Variants in DNAH9 observed in about 807,000 individuals in gnomAD.
DNAH9 encodes dynein axonemal heavy chain 9, also known as DNAH9 variant protein.
DNAH9 carries 345 observed loss-of-function variants against 471.6 expected under a neutral mutation model. That is an observed-to-expected ratio of 0.73 (90% CI 0.67 to 0.80). The LOEUF (loss-of-function observed/expected upper bound fraction) is 0.80. Among genes scored for constraint, DNAH9 ranks in the 30% least tolerant of loss-of-function variants. The probability of loss-of-function intolerance (pLI) is 0.00; values close to 1 mark genes in which losing one functional copy is unlikely to be tolerated. For missense variants in DNAH9, 5,407 were observed against 5,609.2 expected, an observed-to-expected ratio of 0.96 and a Z score of 1.15; for synonymous variants, 2,093 against 2,123.6, an observed-to-expected ratio of 0.99 and a Z score of 0.40.
chr17:11,851,824 T>C (rs1041639121), intron 49 of DNAH9, among the ~76,000 whole-genome samples: 6 of 146,904 alleles, frequency 4.1e-5, no homozygotes, highest in Non-Finnish European at 8.9e-5. Flanking sequence ...TCATGATTAA[T>C]TTATAGATAT....
intron 35 of DNAH9, among the ~76,000 whole-genome samples, chr17:11,759,263 C>A (rs535302545): frequency 6.6e-6 from 1 of 152,012 alleles, no homozygotes; most frequent in Non-Finnish European, 1.5e-5. Context: ...TATTTCAACC[C>A]TCAACCCCCT....
In DNAH9 at chr17:11,969,593, G is replaced by A. The variant is rs1256747374; in HGVS notation, c.*66G>A. ...GGAGGCTGCCTAGAGGGACAGGTGG[G>A]TGAAGGGTCACCACAGACACTTAGA... is the stretch of plus-strand genomic sequence containing the variant. On this transcript the variant is annotated 3_prime_UTR_variant, in exon 69 of 69. Transcript: ENST00000262442. 4.6e-6 allele frequency: 6 copies of A among 1,312,084 alleles called. No homozygotes were observed. The highest frequency in any genetic ancestry group is 6.2e-6 in the Non-Finnish European group (6 of 965,654). 81.3% of individuals were successfully genotyped at this position (1,312,084 alleles called of 1,614,324 possible).
chr17:11,734,513 A>G (rs2150825247), intron 28 of DNAH9, among the ~76,000 whole-genome samples: 1 of 152,330 alleles, frequency 6.6e-6, no homozygotes, highest in African/African-American at 2.4e-5. Flanking sequence ...TGAGGACTGT[A>G]GAGTTTGGGT....
At position 11,937,501 on chromosome 17, in the gene DNAH9, G is replaced by T. The variant is rs747317448; in HGVS notation, c.12639G>T (p.Ala4213=). Residue 4213 remains alanine, a synonymous_variant, in exon 66 of 69, where the codon GCG becomes GCT. Coordinates refer to ENST00000262442, the MANE Select transcript of DNAH9 (RefSeq NM_001372.4). This position sits in a 1 kb window ranked among gnomAD's most constrained non-coding sequence, Gnocchi z 4.1. The part of the protein sequence containing the change: ...QPRDSQARDG[A]GATREEKVKA... ...GGGACAGCCAGGCCAGAGACGGAGCGGGCGCCACAAGAGAAGAAAAGGTGT... is the reference window on the plus strand; with the variant it reads ...GGGACAGCCAGGCCAGAGACGGAGCTGGCGCCACAAGAGAAGAAAAGGTGT... The T allele has an allele frequency of 3.7e-6, 6 of 1,612,798 alleles. No homozygotes were observed. The highest frequency in any genetic ancestry group is 2.7e-5 in the African/African-American group (2 of 74,888).
At chr17:11,768,372 T>C in intron 36 of DNAH9, 81 bp from the exon 37 acceptor site, 1 of 1,433,148 alleles carries the variant, frequency 7.0e-7, no homozygotes, top group South Asian at 1.3e-5. Context: ...TGCCCTGACC[T>C]TCTATCTGAC....
At chr17:11,684,293 C>T (rs2074195526) in intron 19 of DNAH9, among the ~76,000 whole-genome samples, 1 of 152,168 alleles carries the variant, frequency 6.6e-6, no homozygotes, top group South Asian at 2.1e-4. Context: ...CTGACAGGTG[C>T]TGTGTGAAGT....
At chr17:11,651,897 T>TA (rs1481193119) in intron 13 of DNAH9, among the ~76,000 whole-genome samples, 2 of 151,232 alleles carry the variant, frequency 1.3e-5, no homozygotes, top group Admixed American at 6.6e-5. Context: ...ATCATAGAGG[T>TA]AAAAATGAAG....
intron 53 of DNAH9, among the ~76,000 whole-genome samples, chr17:11,876,512 A>T (rs1405745939): frequency 2.0e-5 from 3 of 152,232 alleles, no homozygotes; most frequent in African/African-American, 7.2e-5. Context: ...CACAACATGG[A>T]TGAATCTTTA....
At chr17:11,896,370 A>C (rs1409191500) in intron 59 of DNAH9, among the ~76,000 whole-genome samples, 2 of 152,254 alleles carry the variant, frequency 1.3e-5, no homozygotes, top group African/African-American at 4.8e-5. Flanking sequence ...AAAGCCAGTC[A>C]CAGTATAAGT....
At position 11,741,100 on chromosome 17, in the gene DNAH9, A is replaced by T. The variant is rs2075426801; in HGVS notation, c.5973-1075A>T. Reference sequence around the variant, plus strand: ...GTTGCAAAATAATTTTGAGAATTTAAGCAGCATTTGGTTGCTCCTTTGAAT... The same window carrying T: ...GTTGCAAAATAATTTTGAGAATTTATGCAGCATTTGGTTGCTCCTTTGAAT... On this transcript the variant is annotated intron_variant, in intron 29 of 68. Coordinates refer to ENST00000262442, the MANE Select transcript of DNAH9 (RefSeq NM_001372.4). Among the ~76,000 whole-genome samples the T allele has an allele frequency of 2.6e-5, 4 of 152,226 alleles. No individual in the cohort carries two copies. The South Asian group carries it at 8.3e-4, about 31-fold the overall frequency.
chr17:11,909,992 C>T (rs1424896244), intron 61 of DNAH9, among the ~76,000 whole-genome samples: 1 of 152,128 alleles, frequency 6.6e-6, no homozygotes, highest in Non-Finnish European at 1.5e-5. Flanking sequence ...CGTGGTGGCT[C>T]ACGCCTGTAA....
intron 49 of DNAH9, among the ~76,000 whole-genome samples, chr17:11,849,115 C>G (rs963461305): frequency 6.6e-6 from 1 of 152,168 alleles, no homozygotes; most frequent in Non-Finnish European, 1.5e-5. Context: ...GCATTACAAG[C>G]GTGAGCCACC....
At chr17:11,912,653 C>T (rs1230073804) in intron 61 of DNAH9, among the ~76,000 whole-genome samples, 2 of 152,118 alleles carry the variant, frequency 1.3e-5, no homozygotes, top group Non-Finnish European at 1.5e-5. Context: ...CCTAGGATCT[C>T]AGTCAGTCCT....
chr17:11,841,618 C>T (rs370672008), intron 49 of DNAH9, among the ~76,000 whole-genome samples: 16 of 152,056 alleles, frequency 1.1e-4, no homozygotes, highest in African/African-American at 1.9e-4. Context: ...TCCTTTGTCC[C>T]GTACCTGTGA....
intron 8 of DNAH9, among the ~76,000 whole-genome samples, chr17:11,633,050 A>C (rs1419929267): frequency 6.6e-6 from 1 of 152,154 alleles, no homozygotes; most frequent in Non-Finnish European, 1.5e-5. Flanking sequence ...TTCAATCTGG[A>C]GCAAACCACC....
At position 11,902,910 on chromosome 17, in the gene DNAH9, G is replaced by T. The variant is rs202200223; in HGVS notation, c.11598G>T (p.Leu3866Phe). Residue 3866 changes from leucine to phenylalanine, a missense_variant and splice_region_variant, in exon 60 of 69, where the codon TTG becomes TTT. Physicochemically the swap from Leu to Phe is conservative, Grantham distance 22 (BLOSUM62 0). This residue lies in a region of DNAH9 where 4,636 missense variants were observed against 4,900.3 expected (regional missense o/e 0.95). Coordinates refer to ENST00000262442, the MANE Select transcript of DNAH9 (RefSeq NM_001372.4). ...AMRPDRMTYALRDFVEEKLGS... is the reference protein window; with the variant it reads ...AMRPDRMTYAFRDFVEEKLGS... ...GGCCCGACCGGATGACCTATGCTTT[G>T]CGGTAGGAAACAGGGTGGTGGAAGG... The T allele has an allele frequency of 1.6e-5, 25 of 1,612,294 alleles. No homozygotes were observed. The highest frequency in any genetic ancestry group is 6.7e-5 in the Admixed American group (4 of 59,886).
rs939395700 is a variant in DNAH9, at chr17:11,679,797, G to A, written c.3394G>A (p.Gly1132Ser). 15 of 1,613,968 alleles carry A rather than the reference G, an allele frequency of 9.3e-6. No individual in the cohort carries two copies. The highest frequency in any genetic ancestry group is 4.0e-5 in the African/African-American group (3 of 74,910). Residue 1132 changes from glycine to serine, a missense_variant, in exon 18 of 69, where the codon GGC (glycine) becomes AGC (serine). This residue lies in a region of DNAH9 where 4,636 missense variants were observed against 4,900.3 expected (regional missense o/e 0.95). Coordinates refer to ENST00000262442, the MANE Select transcript of DNAH9 (RefSeq NM_001372.4). ...TGCGTTTATAAAGAAGAGTGAGAGC[G>A]GCTTACTCAAGAAAGTTGAAAAAGG... ...LDAFIKKSES[G>S]LLKKVEKGDF... is the part of the protein sequence containing the mutation.
At chr17:11,742,387 T>C in intron 30 of DNAH9, 74 bp downstream of exon 30, 1 of 1,472,428 alleles carries the variant, frequency 6.8e-7, no homozygotes, top group Middle Eastern at 1.8e-4. Context: ...CTGGAACAAA[T>C]GTATTAGGAA....
At position 11,598,798 on chromosome 17, in the gene DNAH9, G is replaced by A. The variant is rs760619684; in HGVS notation, c.300G>A (p.Ala100=). The A allele has an allele frequency of 2.0e-6, 3 of 1,479,458 alleles. No homozygotes were observed. The highest frequency in any genetic ancestry group is 2.3e-5 in the Admixed American group (1 of 43,054). 91.6% of individuals were successfully genotyped at this position (1,479,458 alleles called of 1,614,324 possible). A position where few individuals can be genotyped will look rare whatever the true frequency, so the allele number is the denominator to read the frequency against. Residue 100 remains alanine (A), a synonymous_variant, in exon 1 of 69, where the codon GCG becomes GCA. Coordinates refer to ENST00000262442, the MANE Select transcript of DNAH9 (RefSeq NM_001372.4). The part of the protein sequence containing the change: ...GPESGLAGAK[A]LFFLRTGPEP... ...AGTCGGGCCTGGCTGGCGCTAAGGC[G>A]CTTTTTTTCCTTCGCACCGGGCCCG...
Sources: allele counts gnomAD v4.1 joint callset (sites outside exome capture counted in the v4.1 genomes callset), GRCh38; gene constraint gnomAD v4.1.1; regional missense constraint gnomAD v4.1.1; non-coding constraint Gnocchi (gnomAD v3.1); transcripts MANE v1.5; gene names NCBI Gene and HGNC (gene_info 2026-07-23, HGNC 2026-07-21).